The following CHST9 variants were observed in gnomAD, a reference collection of about 807,000 sequenced individuals.
CHST9 encodes GalNAc-4-sulfotransferase 2.
CHST9 carries 41 observed loss-of-function variants against 44.4 expected under a neutral mutation model. That is an observed-to-expected ratio of 0.92 (90% CI 0.72 to 1.20). The LOEUF (loss-of-function observed/expected upper bound fraction) is 1.20, where lower values mean the gene tolerates loss of function less well. Ranked by LOEUF, CHST9 falls within the 50% of genes most tolerant of loss-of-function variation. The pLI, the probability that CHST9 is intolerant of heterozygous loss-of-function variation, is 0.00. For missense variants in CHST9, 504 were observed against 516.5 expected (o/e 0.98, Z 0.23); for synonymous variants, 171 against 178.4 (o/e 0.96, Z 0.33).
At chr18:27,157,913 G>C (rs1022295627) in intron 1 of CHST9, among the ~76,000 whole-genome samples, 2 of 152,028 alleles carry the variant, frequency 1.3e-5, no homozygotes. Context: ...ATTTTAGTTA[G>C]TTTAGTTAAC....
chr18:26,938,310 T>C (rs1170121333), intron 5 of CHST9, among the ~76,000 whole-genome samples: 1 of 152,226 alleles, frequency 6.6e-6, no homozygotes, highest in Non-Finnish European at 1.5e-5. Flanking sequence ...AATTCTTCTT[T>C]GTTAACCACC....
At chr18:26,968,195 T>C (rs2056492239) in intron 4 of CHST9, among the ~76,000 whole-genome samples, 1 of 152,126 alleles carries the variant, frequency 6.6e-6, no homozygotes, top group African/African-American at 2.4e-5. Context: ...GTTCTATCCC[T>C]CCAGAGAACC....
At chr18:27,102,859 CT>C (rs11322592) in intron 2 of CHST9, among the ~76,000 whole-genome samples, 12,133 of 150,086 alleles carry the variant, frequency 0.081, 539 homozygotes, top group East Asian at 0.14. Context: ...GGATTCAACA[CT>C]TTTTTTTTTC....
At chr18:27,091,798 A>T (rs532643947) in intron 2 of CHST9, among the ~76,000 whole-genome samples, 13 of 152,310 alleles carry the variant, frequency 8.5e-5, no homozygotes, top group African/African-American at 2.9e-4. Context: ...GATGAAGCCA[A>T]CTTGATCATA....
At chr18:27,126,424 C>T (rs1369383062) in intron 2 of CHST9, among the ~76,000 whole-genome samples, 1 of 152,134 alleles carries the variant, frequency 6.6e-6, no homozygotes, top group South Asian at 2.1e-4. Context: ...TTAAACAACA[C>T]TTTAAATCTA....
At chr18:26,934,441 A>T (rs1351466158) in intron 5 of CHST9, 1 of 151,958 alleles carries the variant, frequency 6.6e-6, no homozygotes. Flanking sequence ...TCACCATGTT[A>T]GTCAGGATGG....
intron 3 of CHST9, among the ~76,000 whole-genome samples, chr18:27,039,957 T>A (rs1358732544): frequency 6.6e-6 from 1 of 152,134 alleles, no homozygotes; most frequent in Non-Finnish European, 1.5e-5. Flanking sequence ...TCTCTGGATA[T>A]CAGTGAAACA....
At chr18:27,132,532 C>T (rs572883648) in intron 2 of CHST9, among the ~76,000 whole-genome samples, 6 of 152,324 alleles carry the variant, frequency 3.9e-5, no homozygotes, top group Admixed American at 2.6e-4. Flanking sequence ...ACTTACTGAG[C>T]ATCTACTATG....
intron 1 of CHST9, among the ~76,000 whole-genome samples, chr18:27,175,614 T>C (rs1052482038): frequency 6.6e-6 from 1 of 152,052 alleles, no homozygotes; most frequent in Non-Finnish European, 1.5e-5. Flanking sequence ...CTTTATTTTA[T>C]TTACTTATTT....
At chr18:26,928,635 G>A (rs1419899716) in intron 5 of CHST9, among the ~76,000 whole-genome samples, 1 of 152,166 alleles carries the variant, frequency 6.6e-6, no homozygotes, top group Non-Finnish European at 1.5e-5. Flanking sequence ...CAGAATATAG[G>A]GTGGATTATT....
chr18:27,009,640 C>T (rs2057059614), intron 4 of CHST9, among the ~76,000 whole-genome samples: 1 of 152,146 alleles, frequency 6.6e-6, no homozygotes, highest in Admixed American at 6.5e-5. Flanking sequence ...GAGGGCATTC[C>T]TTCACTTGGT....
At chr18:27,156,786 A>C (rs2058701304) in intron 1 of CHST9, among the ~76,000 whole-genome samples, 1 of 152,150 alleles carries the variant, frequency 6.6e-6, no homozygotes, top group Non-Finnish European at 1.5e-5. Flanking sequence ...GTTTTGAAAT[A>C]TAAATATTTA....
At chr18:26,995,913 T>C (rs2056882491) in intron 4 of CHST9, among the ~76,000 whole-genome samples, 1 of 152,256 alleles carries the variant, frequency 6.6e-6, no homozygotes, top group African/African-American at 2.4e-5. Flanking sequence ...TCAGCTGCAA[T>C]TTTAGTTTCC....
intron 4 of CHST9, among the ~76,000 whole-genome samples, chr18:26,969,238 G>T (rs2056506781): frequency 6.6e-6 from 1 of 152,044 alleles, no homozygotes; most frequent in Non-Finnish European, 1.5e-5. Context: ...TCCTGACCTT[G>T]TGATCCACCC....
intron 1 of CHST9, among the ~76,000 whole-genome samples, chr18:27,165,237 C>G (rs2143941517): frequency 6.6e-6 from 1 of 152,220 alleles, no homozygotes; most frequent in South Asian, 2.1e-4. Flanking sequence ...ATAAGTGATA[C>G]AAACTTAGAA....
At chr18:27,056,058 G>A (rs2057651768) in intron 2 of CHST9, among the ~76,000 whole-genome samples, 1 of 151,920 alleles carries the variant, frequency 6.6e-6, no homozygotes, top group African/African-American at 2.4e-5. Flanking sequence ...AAAATTTTCT[G>A]CAGACTAGCT....
chr18:27,111,178 C>T (rs187687435), intron 2 of CHST9, among the ~76,000 whole-genome samples: 71 of 152,256 alleles, frequency 4.7e-4, no homozygotes, highest in Non-Finnish European at 2.8e-4. Flanking sequence ...TGTGAATGAA[C>T]CCAGGAGAAA....
chr18:27,001,939 C>A (rs2056958388), intron 4 of CHST9, among the ~76,000 whole-genome samples: 2 of 152,102 alleles, frequency 1.3e-5, no homozygotes, highest in African/African-American at 4.8e-5. Context: ...AACAACCTAA[C>A]CTCTAAACTC....
chr18:27,153,821 A>G (rs2058678219), intron 1 of CHST9, among the ~76,000 whole-genome samples: 1 of 152,098 alleles, frequency 6.6e-6, no homozygotes, highest in Non-Finnish European at 1.5e-5. Context: ...TGCAGTGATT[A>G]TTTTGCAGGT....
Sources: gnomAD v4.1 joint callset for allele counts (sites outside exome capture counted in the v4.1 genomes callset) on GRCh38, gnomAD v4.1.1 for gene constraint, MANE v1.5 for transcripts, NCBI Gene and HGNC (gene_info 2026-07-23, HGNC 2026-07-21) for gene names.